The following ADAMTS17 variants were observed in gnomAD, a reference collection of about 807,000 sequenced individuals.
The protein encoded by ADAMTS17 is ADAM metallopeptidase with thrombospondin type 1 motif 17.
ADAMTS17 carries 113 observed loss-of-function variants against 141.5 expected under a neutral mutation model. The ratio of observed to expected loss-of-function variants is 0.80; its 90% CI spans 0.69 to 0.93. The LOEUF (loss-of-function observed/expected upper bound fraction) is 0.93. ADAMTS17 is among the 40% of genes least tolerant of loss of function. The pLI is 0.00. For missense variants in ADAMTS17, 1,659 were observed against 1,517.9 expected (o/e 1.09, Z -1.54); for synonymous variants, 768 against 630.6 (o/e 1.22, Z -3.27).
At chr15:100,337,027 C>A (rs994463805) in intron 2 of ADAMTS17, among the ~76,000 whole-genome samples, 1 of 152,202 alleles carries the variant, frequency 6.6e-6, no homozygotes, top group African/African-American at 2.4e-5. Context: ...GCGCCCACCA[C>A]CATGCCCAGC....
chr15:100,045,211 C>G (rs56245316), intron 18 of ADAMTS17, among the ~76,000 whole-genome samples: 2 of 151,654 alleles, frequency 1.3e-5, no homozygotes, highest in African/African-American at 4.9e-5. Flanking sequence ...TCATTTGGGA[C>G]GATTATAATC....
intron 8 of ADAMTS17, among the ~76,000 whole-genome samples, chr15:100,160,825 CTT>C (rs1455882355): frequency 1.3e-5 from 2 of 152,188 alleles, no homozygotes; most frequent in African/African-American, 4.8e-5. Flanking sequence ...CGGCTCATCA[CTT>C]TACAGTTTGA....
chr15:100,277,083 G>T (rs1170321975), intron 4 of ADAMTS17, among the ~76,000 whole-genome samples: 2 of 152,088 alleles, frequency 1.3e-5, no homozygotes, highest in Non-Finnish European at 2.9e-5. Flanking sequence ...GGATCAAAAG[G>T]CCCCGGAAAC....
intron 3 of ADAMTS17, among the ~76,000 whole-genome samples, chr15:100,313,007 C>A (rs113137730): frequency 1.3e-5 from 2 of 152,168 alleles, no homozygotes; most frequent in Non-Finnish European, 2.9e-5. Context: ...TCAATTTTCA[C>A]GGAAGAAAGG....
intron 15 of ADAMTS17, among the ~76,000 whole-genome samples, chr15:100,090,858 A>G (rs1346139857): frequency 1.6e-5 from 2 of 123,728 alleles, no homozygotes; most frequent in African/African-American, 5.0e-5. Context: ...AATACAAAAA[A>G]TTAGCCAGGT....
At chr15:100,228,905 G>C (rs2042391746) in intron 7 of ADAMTS17, among the ~76,000 whole-genome samples, 1 of 152,194 alleles carries the variant, frequency 6.6e-6, no homozygotes, top group Non-Finnish European at 1.5e-5. Flanking sequence ...CTGCCTCTAC[G>C]AGGGGGCCAT....
rs575761145 is a variant in ADAMTS17, at chr15:100,244,557, C to T, written c.1075+9579G>A. Among the ~76,000 whole-genome samples, 5 of 151,948 alleles carry T rather than the reference C, an allele frequency of 3.3e-5. No homozygotes were observed. The South Asian group carries it at 1.0e-3, about 32-fold the overall frequency. ...TGATAGCGAATAAGTCTCATGAGAT[C>T]GGATGGTTTCATAAAGAAGAGTCAT... On this transcript the variant is annotated intron_variant, in intron 7 of 21. Coordinates refer to ENST00000268070, the MANE Select transcript of ADAMTS17 (RefSeq NM_139057.4).
intron 18 of ADAMTS17, among the ~76,000 whole-genome samples, chr15:100,038,459 T>TCA (rs1196936720): frequency 6.6e-6 from 1 of 152,206 alleles, no homozygotes; most frequent in Non-Finnish European, 1.5e-5. Flanking sequence ...ATTTGTAGAG[T>TCA]ATTGTTATCT....
At chr15:100,309,149 G>A (rs1293198948) in intron 3 of ADAMTS17, among the ~76,000 whole-genome samples, 1 of 152,204 alleles carries the variant, frequency 6.6e-6, no homozygotes, top group Non-Finnish European at 1.5e-5. Flanking sequence ...ATTGAGCCCA[G>A]GAGTTCACGA....
intron 14 of ADAMTS17, among the ~76,000 whole-genome samples, chr15:100,098,573 G>C (rs1312069135): frequency 6.6e-6 from 1 of 151,894 alleles, no homozygotes; most frequent in East Asian, 1.9e-4. Context: ...TGAGGCAGGA[G>C]AGTAGCTTGA....
intron 2 of ADAMTS17, among the ~76,000 whole-genome samples, chr15:100,339,909 C>A (rs1416448721): frequency 6.6e-6 from 1 of 152,234 alleles, no homozygotes; most frequent in Non-Finnish European, 1.5e-5. Context: ...GCACCCCCAG[C>A]CTTCTAGCTT....
At chr15:100,180,362 T>C (rs140478813) in intron 8 of ADAMTS17, among the ~76,000 whole-genome samples, 1 of 152,320 alleles carries the variant, frequency 6.6e-6, no homozygotes, top group African/African-American at 2.4e-5. Flanking sequence ...CTCCATTCTG[T>C]TCCATTGCTC....
At chr15:100,098,449 C>T (rs1034170301) in intron 14 of ADAMTS17, among the ~76,000 whole-genome samples, 1 of 152,052 alleles carries the variant, frequency 6.6e-6, no homozygotes, top group Non-Finnish European at 1.5e-5. Context: ...GAGTTCAAGA[C>T]CAGCCTGGTC....
At chr15:100,001,358 T>C (rs2060919268) in intron 18 of ADAMTS17, among the ~76,000 whole-genome samples, 3 of 147,852 alleles carry the variant, frequency 2.0e-5, no homozygotes, top group Admixed American at 2.0e-4. Flanking sequence ...TTTTCCTTTT[T>C]TTTTTTTTTT....
At chr15:100,276,321 G>A in intron 4 of ADAMTS17, among the ~76,000 whole-genome samples, 1 of 29,188 alleles carries the variant, frequency 3.4e-5, no homozygotes, top group African/African-American at 1.7e-4. Context: ...GGGAGTGGGT[G>A]CCTGGTGGGA....
chr15:100,341,139 C>T lies in ADAMTS17; in HGVS notation c.350G>A (p.Arg117His). Residue 117 changes from arginine to histidine, a missense_variant, in exon 2 of 22, where the codon CGC becomes CAC. Arg to His is a conservative substitution (Grantham distance 29). Coordinates refer to ENST00000268070, the MANE Select transcript of ADAMTS17 (RefSeq NM_139057.4). ...GCACAGCTCGGCGGGGCGGCCGCGG[C>T]GCCGGGCCGCGCCCGCCTCCTCCAC... is the stretch of plus-strand genomic sequence containing the variant. ...FEVEEAGAARRRGRPAELCFY... is the reference protein window; with the variant it reads ...FEVEEAGAARHRGRPAELCFY... The T allele has an allele frequency of 3.5e-6, 5 of 1,434,488 alleles. No individual in the cohort carries two copies. The highest frequency in any genetic ancestry group is 1.4e-5 in the South Asian group (1 of 72,922). The allele number at this position is 1,434,488 out of a possible 1,614,324, so 88.9% of individuals were successfully genotyped here. A position where few individuals can be genotyped will look rare whatever the true frequency, so the allele number is the denominator to read the frequency against.
intron 8 of ADAMTS17, among the ~76,000 whole-genome samples, chr15:100,175,310 G>A (rs1282198051): frequency 1.3e-5 from 2 of 152,200 alleles, no homozygotes; most frequent in Non-Finnish European, 2.9e-5. Context: ...AACAGCAGCT[G>A]TCCAAGGAAC....
intron 7 of ADAMTS17, among the ~76,000 whole-genome samples, chr15:100,231,492 T>C (rs2042479935): frequency 6.6e-6 from 1 of 152,218 alleles, no homozygotes; most frequent in Non-Finnish European, 1.5e-5. Context: ...GGACCATGAA[T>C]GAGGAAGAAA....
chr15:100,060,724 G>C (rs1416959714), intron 15 of ADAMTS17, among the ~76,000 whole-genome samples: 1 of 152,234 alleles, frequency 6.6e-6, no homozygotes, highest in Non-Finnish European at 1.5e-5. Context: ...TCTGTTCTTA[G>C]CTATGGATAC....
Sources: allele counts gnomAD v4.1 joint callset (sites outside exome capture counted in the v4.1 genomes callset), GRCh38; gene constraint gnomAD v4.1.1; transcripts MANE v1.5; gene names NCBI Gene and HGNC (gene_info 2026-07-23, HGNC 2026-07-21).